The following ANKRD17 variants were observed in gnomAD, a reference collection of about 807,000 sequenced individuals.
ANKRD17 encodes the protein ankyrin repeat domain-containing protein 17.
A neutral mutation model predicts 229.7 loss-of-function variants in ANKRD17; 19 were observed. That is an observed-to-expected ratio of 0.08 (90% CI 0.06 to 0.12). ANKRD17 has a LOEUF of 0.12. Ranked by LOEUF, ANKRD17 falls within the 10% of genes least tolerant of loss-of-function variation. ANKRD17 has a pLI of 1.00. For missense variants in ANKRD17, 2,176 were observed against 3,176.8 expected, an observed-to-expected ratio of 0.68 and a Z score of 7.57; for synonymous variants, 1,112 against 1,146.1, an observed-to-expected ratio of 0.97 and a Z score of 0.60.
chr4:73,138,449 G>A (rs1158267464), intron 15 of ANKRD17, among the ~76,000 whole-genome samples: 1 of 151,916 alleles, frequency 6.6e-6, no homozygotes, highest in Non-Finnish European at 1.5e-5. Context: ...GTGTCTGAAC[G>A]TTACCTAAAT....
chr4:73,180,190 T>C (rs1286667679), intron 1 of ANKRD17, among the ~76,000 whole-genome samples: 1 of 152,052 alleles, frequency 6.6e-6, no homozygotes, highest in Non-Finnish European at 1.5e-5. Flanking sequence ...CTAAAGATGT[T>C]CAAAGGAGAC....
rs1350985402 is a variant in ANKRD17 at position 73,199,275 on chromosome 4, GAAA to G, written c.394-21745_394-21743del. Reference sequence around the variant, plus strand: ...TGTGTGTGTTGGGAGGAGGGAAGGGGAAAACAAGGAAAGTAAAAGAACAAAAAA... The same window carrying G: ...TGTGTGTGTTGGGAGGAGGGAAGGGGACAAGGAAAGTAAAAGAACAAAAAA... On this transcript the variant is annotated intron_variant, in intron 1 of 33. Coordinates refer to ENST00000358602, the MANE Select transcript of ANKRD17 (RefSeq NM_032217.5). Among the ~76,000 whole-genome samples the G allele has an allele frequency of 2.0e-5, 3 of 150,772 alleles. No individual in the cohort carries two copies. The Admixed American group carries it at 2.0e-4, about 10-fold the overall frequency.
intron 1 of ANKRD17, among the ~76,000 whole-genome samples, chr4:73,257,801 G>T (rs933482808): frequency 3.3e-5 from 5 of 151,850 alleles, no homozygotes; most frequent in Non-Finnish European, 7.4e-5. Flanking sequence ...ACAACCTTAC[G>T]TCCCCCCTCA....
At chr4:73,106,671 G>C (rs1481006816) in intron 24 of ANKRD17, among the ~76,000 whole-genome samples, 1 of 152,086 alleles carries the variant, frequency 6.6e-6, no homozygotes, top group African/African-American at 2.4e-5. Flanking sequence ...ACGATGTCAA[G>C]AGATCAAGAC....
intron 1 of ANKRD17, among the ~76,000 whole-genome samples, chr4:73,217,619 C>T (rs536817088): frequency 6.6e-6 from 1 of 152,116 alleles, no homozygotes; most frequent in Non-Finnish European, 1.5e-5. Flanking sequence ...GCTTCAGCCT[C>T]CCGAATTGCT....
At chr4:73,076,647 C>T (rs1410060852) in intron 33 of ANKRD17, among the ~76,000 whole-genome samples, 2 of 152,120 alleles carry the variant, frequency 1.3e-5, no homozygotes, top group Non-Finnish European at 2.9e-5. Flanking sequence ...GGTCTTTTCA[C>T]ACCACTAGTA....
intron 1 of ANKRD17, chr4:73,222,844 C>T (rs1346654251): frequency 9.6e-6 from 7 of 726,542 alleles, no homozygotes; most frequent in East Asian, 2.7e-5. Context: ...TAGGTCTGAC[C>T]GTGTCTTGCT....
chr4:73,184,582 C>A (rs1180082262), intron 1 of ANKRD17, among the ~76,000 whole-genome samples: 6 of 133,360 alleles, frequency 4.5e-5, no homozygotes, highest in African/African-American at 1.4e-4. Context: ...TTTTAATTAA[C>A]TGATACCATA....
intron 15 of ANKRD17, among the ~76,000 whole-genome samples, chr4:73,137,944 C>G (rs1297274469): frequency 6.6e-6 from 1 of 152,032 alleles, no homozygotes; most frequent in African/African-American, 2.4e-5. Flanking sequence ...TATGCATGCC[C>G]AAGCACATCA....
intron 1 of ANKRD17, among the ~76,000 whole-genome samples, chr4:73,252,921 C>T (rs1203304677): frequency 6.6e-6 from 1 of 151,834 alleles, no homozygotes; most frequent in African/African-American, 2.4e-5. Flanking sequence ...TTGGGGTGAC[C>T]AACTTGTCTT....
intron 1 of ANKRD17, among the ~76,000 whole-genome samples, chr4:73,183,636 C>T (rs1197855300): frequency 6.6e-6 from 1 of 151,960 alleles, no homozygotes; most frequent in East Asian, 1.9e-4. Flanking sequence ...ACCAGGCCCA[C>T]CTAGATTTTT....
chr4:73,162,579 T>C (rs1354506727), intron 2 of ANKRD17, among the ~76,000 whole-genome samples: 2 of 152,038 alleles, frequency 1.3e-5, no homozygotes, highest in African/African-American at 4.8e-5. Context: ...AGACTATATA[T>C]AAAAGATAAG....
At chr4:73,086,919 A>AAAATATATAT (rs1553911000) in intron 29 of ANKRD17, among the ~76,000 whole-genome samples, 2 of 12,462 alleles carry the variant, frequency 1.6e-4, no homozygotes, top group African/African-American at 5.2e-4. Flanking sequence ...AAAAAAAAAA[A>AAAATATATAT]ATATATATAT....
intron 2 of ANKRD17, among the ~76,000 whole-genome samples, chr4:73,174,140 A>AG (rs1245678529): frequency 5.9e-5 from 9 of 151,610 alleles, no homozygotes; most frequent in Admixed American, 1.3e-4. Flanking sequence ...GAAGGAAGGA[A>AG]GAAAACTACA....
chr4:73,139,736 T>C lies in ANKRD17; in HGVS notation c.2880A>G (p.Gln960=). 4 of 1,614,186 alleles carry C rather than the reference T, an allele frequency of 2.5e-6. No individual in the cohort carries two copies. The highest frequency in any genetic ancestry group is 3.4e-6 in the Non-Finnish European group (4 of 1,180,030). ...FAPIQPLAMP[Q]ALPLAAGPLP... is the part of the protein sequence containing the mutation. Reference sequence around the variant, plus strand: ...AGGGACCTGCCGCCAGAGGCAAAGCTTGAGGCATCGCCAGAGGCTGGATTG... The same window carrying C: ...AGGGACCTGCCGCCAGAGGCAAAGCCTGAGGCATCGCCAGAGGCTGGATTG... Residue 960 remains glutamine, a synonymous_variant, in exon 15 of 34, where the codon CAA becomes CAG. Transcript: ENST00000358602.
At chr4:73,147,100 A>G (rs1363814255) in intron 9 of ANKRD17, 141 bp downstream of exon 9, 3 of 858,936 alleles carry the variant, frequency 3.5e-6, no homozygotes, top group Non-Finnish European at 5.2e-6. Flanking sequence ...TAAACTGTTC[A>G]GAATACATAC....
At chr4:73,173,079 T>C (rs1421336096) in intron 2 of ANKRD17, among the ~76,000 whole-genome samples, 2 of 151,862 alleles carry the variant, frequency 1.3e-5, no homozygotes, top group Non-Finnish European at 2.9e-5. Flanking sequence ...ACTTTACCTA[T>C]AAAGATGCAC....
intron 1 of ANKRD17, among the ~76,000 whole-genome samples, chr4:73,199,011 C>T (rs991735171): frequency 2.0e-5 from 3 of 152,138 alleles, no homozygotes; most frequent in Admixed American, 6.6e-5. Flanking sequence ...CAAGAGAAAA[C>T]TTCTATAGTA....
At position 73,085,286 on chromosome 4, in the gene ANKRD17, C is replaced by T. The variant is rs146616951; in HGVS notation, c.7122G>A (p.Pro2374=). The T allele has an allele frequency of 4.5e-5, 73 of 1,613,892 alleles. No homozygotes were observed. The East Asian group carries it at 6.7e-4, about 15-fold the overall frequency. The change falls in exon 30 of 34, where the codon CCG becomes CCA. Residue 2374 remains proline, a synonymous_variant. Transcript: ENST00000358602. ...AANFNRQHFS[P]LSLLTPCSSA... ...ATGAACACGGAGTCAACAAACTAAG[C>T]GGGGAAAAATGTTGTCTGTTAAAGT...
Sources: allele counts gnomAD v4.1 joint callset (sites outside exome capture counted in the v4.1 genomes callset), GRCh38; gene constraint gnomAD v4.1.1; transcripts MANE v1.5; gene names NCBI Gene and HGNC (gene_info 2026-07-23, HGNC 2026-07-21).